Variants in STPG2 observed in about 807,000 individuals in gnomAD.
STPG2 encodes sperm tail PG-rich repeat containing 2, also known as sperm-tail PG-rich repeat-containing protein 2.
A neutral mutation model predicts 54.2 loss-of-function variants in STPG2; 56 were observed. The ratio of observed to expected loss-of-function variants is 1.03; its 90% CI spans 0.83 to 1.29. The LOEUF (loss-of-function observed/expected upper bound fraction) is 1.29, where lower values mean the gene tolerates loss of function less well. STPG2 is among the 50% of genes most tolerant of loss of function. The pLI is 0.00. For synonymous variants in STPG2, 200 were observed against 181.8 expected (o/e 1.10, Z -0.81); for missense variants, 596 against 544.9 (o/e 1.09, Z -0.93).
intron 8 of STPG2, among the ~76,000 whole-genome samples, chr4:97,857,291 GC>G (rs1251584311): frequency 1.3e-5 from 2 of 151,988 alleles, no homozygotes; most frequent in African/African-American, 4.8e-5. Flanking sequence ...CTGGTGTTGG[GC>G]TTTTTCTTGG....
At chr4:97,629,375 A>T (rs1399731595) in intron 10 of STPG2, among the ~76,000 whole-genome samples, 1 of 152,064 alleles carries the variant, frequency 6.6e-6, no homozygotes, top group Non-Finnish European at 1.5e-5. Flanking sequence ...TTAAGATAAA[A>T]AACTGGATTA....
rs1054110325 is a variant in STPG2 at position 97,797,086 on chromosome 4, A to G, written c.1204+43687T>C. 4.6e-5 allele frequency among the ~76,000 whole-genome samples: 7 copies of G among 152,262 alleles called. No homozygotes were observed. The South Asian group carries it at 8.3e-4, about 18-fold the overall frequency. Reference sequence around the variant, plus strand: ...TGCTTATCAGCTTAAAGAGATTTTGAGCTGAGACAATGGGGTTTTCTACAC... The same window carrying G: ...TGCTTATCAGCTTAAAGAGATTTTGGGCTGAGACAATGGGGTTTTCTACAC... On this transcript the variant is annotated intron_variant, in intron 9 of 10. Transcript: ENST00000295268.
Position 98,137,852 on chromosome 4 carries a change from A to T in STPG2, c.110-3393T>A, listed in dbSNP as rs190593038. ...GAATCAAGAAAGCTGGTACTCATAA[A>T]ATCTTCATTGAAGTTTTCCAAAATT... On this transcript the variant is annotated intron_variant, in intron 1 of 10. Coordinates refer to ENST00000295268, the MANE Select transcript of STPG2 (RefSeq NM_174952.3). Among the ~76,000 whole-genome samples the T allele has an allele frequency of 5.4e-3, 819 of 152,058 alleles. 4 individuals carry two copies. Among genetic ancestry groups the T allele is most frequent in the Non-Finnish European group, 9.3e-3 (628 of 67,850 alleles).
At chr4:98,118,820 T>C (rs1739592508) in intron 3 of STPG2, among the ~76,000 whole-genome samples, 1 of 152,112 alleles carries the variant, frequency 6.6e-6, no homozygotes, top group South Asian at 2.1e-4. Flanking sequence ...ACACAAAAAG[T>C]GGCTTACAAG....
intron 9 of STPG2, among the ~76,000 whole-genome samples, chr4:97,727,422 G>A (rs1257287980): frequency 6.6e-6 from 1 of 151,662 alleles, no homozygotes; most frequent in Non-Finnish European, 1.5e-5. Flanking sequence ...TATATGAATA[G>A]GATAAAACAG....
chr4:97,818,317 G>T (rs1429882457), intron 9 of STPG2, among the ~76,000 whole-genome samples: 1 of 151,786 alleles, frequency 6.6e-6, no homozygotes, highest in Non-Finnish European at 1.5e-5. Flanking sequence ...TAAATACTAT[G>T]TTTTTTCCTA....
At chr4:97,926,768 T>C (rs1289809237) in intron 8 of STPG2, among the ~76,000 whole-genome samples, 4 of 152,082 alleles carry the variant, frequency 2.6e-5, no homozygotes, top group Non-Finnish European at 2.9e-5. Context: ...AATAGAATGA[T>C]GAAAAGAGAC....
At chr4:97,474,028 T>C (rs1185930129) in intron 4 of STPG2, among the ~76,000 whole-genome samples, 1 of 152,112 alleles carries the variant, frequency 6.6e-6, no homozygotes, top group Non-Finnish European at 1.5e-5. Context: ...ATTATACATT[T>C]GTCAAAACCC....
intron 8 of STPG2, among the ~76,000 whole-genome samples, chr4:97,864,208 C>T (rs1026396697): frequency 5.3e-5 from 8 of 152,222 alleles, no homozygotes; most frequent in Non-Finnish European, 1.0e-4. Context: ...CCCATTGACT[C>T]AGCCCAAAAT....
chr4:97,448,779 T>A (rs1360151860), intron 4 of STPG2, among the ~76,000 whole-genome samples: 1 of 152,124 alleles, frequency 6.6e-6, no homozygotes, highest in Admixed American at 6.6e-5. Context: ...GTGTTTTTGT[T>A]TGGCTTTTTG....
At chr4:97,876,678 T>A (rs542994465) in intron 8 of STPG2, among the ~76,000 whole-genome samples, 160 of 152,194 alleles carry the variant, frequency 1.1e-3, no homozygotes, top group African/African-American at 3.6e-3. Context: ...AAACATTTTT[T>A]AAAAAGTTTT....
At chr4:97,966,197 C>A (rs1391457479) in intron 7 of STPG2, among the ~76,000 whole-genome samples, 1 of 152,132 alleles carries the variant, frequency 6.6e-6, no homozygotes, top group Non-Finnish European at 1.5e-5. Flanking sequence ...CGTGACCTGA[C>A]AGAGCTGAAA....
intron 5 of STPG2, among the ~76,000 whole-genome samples, chr4:98,105,217 G>A (rs1483280213): frequency 6.6e-6 from 1 of 152,084 alleles, no homozygotes; most frequent in East Asian, 1.9e-4. Context: ...TGATTCTGGG[G>A]GCTGCCCAAT....
intron 4 of STPG2, among the ~76,000 whole-genome samples, chr4:97,544,380 A>G (rs565359707): frequency 1.1e-4 from 16 of 152,148 alleles, no homozygotes; most frequent in African/African-American, 3.4e-4. Context: ...GGATAAATGG[A>G]TTAAGTGATT....
intron 4 of STPG2, among the ~76,000 whole-genome samples, chr4:97,486,530 G>T (rs1156565979): frequency 6.6e-6 from 1 of 151,680 alleles, no homozygotes; most frequent in African/African-American, 2.4e-5. Flanking sequence ...ATGTTGGCGT[G>T]GATGCAGTGA....
chr4:97,777,264 A>G (rs1399310753), intron 9 of STPG2, among the ~76,000 whole-genome samples: 1 of 152,232 alleles, frequency 6.6e-6, no homozygotes, highest in African/African-American at 2.4e-5. Flanking sequence ...TGTAACAACA[A>G]CAGCTTGTTT....
chr4:97,815,982 C>T (rs1366099141), intron 9 of STPG2, among the ~76,000 whole-genome samples: 23 of 152,122 alleles, frequency 1.5e-4, no homozygotes, highest in African/African-American at 5.1e-4. Flanking sequence ...TTGCACCCAT[C>T]AACCCATCAA....
chr4:97,891,364 G>A (rs1181852089), intron 8 of STPG2, among the ~76,000 whole-genome samples: 1 of 152,034 alleles, frequency 6.6e-6, no homozygotes, highest in African/African-American at 2.4e-5. Flanking sequence ...AATTCTCACT[G>A]CTATAAAGGT....
intron 9 of STPG2, among the ~76,000 whole-genome samples, chr4:97,824,080 G>A (rs1728177578): frequency 6.6e-6 from 1 of 152,168 alleles, no homozygotes; most frequent in South Asian, 2.1e-4. Flanking sequence ...GCAGAATTAG[G>A]CATGTACAGG....
Sources: allele counts gnomAD v4.1 joint callset (sites outside exome capture counted in the v4.1 genomes callset), GRCh38; gene constraint gnomAD v4.1.1; transcripts MANE v1.5; gene names NCBI Gene and HGNC (gene_info 2026-07-23, HGNC 2026-07-21).